Variants in GSE1 observed in about 807,000 individuals in gnomAD.
The protein encoded by GSE1 is genetic suppressor element 1.
Under a neutral mutation model 112.6 loss-of-function variants are expected in GSE1, and 32 were observed. That is an observed-to-expected ratio of 0.28 (90% confidence interval 0.21 to 0.38). The LOEUF (loss-of-function observed/expected upper bound fraction) is 0.38. GSE1 is among the 10% of genes least tolerant of loss of function. The pLI is 1.00. For missense variants in GSE1, 2,348 were observed against 1,699.2 expected (o/e 1.38, Z -6.71); for synonymous variants, 1,115 against 735.6 (o/e 1.52, Z -8.35).
upstream of GSE1, chr16:85,554,863 C>T: frequency 1.0e-6 from 1 of 985,040 alleles, no homozygotes; most frequent in Non-Finnish European, 1.2e-6. Context: ...CAGCGGCGCC[C>T]GCAGCCGCCC....
At chr16:85,320,462 T>C (rs2046081758) in intron 1 of GSE1, among the ~76,000 whole-genome samples, 1 of 151,830 alleles carries the variant, frequency 6.6e-6, no homozygotes, top group Non-Finnish European at 1.5e-5. Flanking sequence ...TGTTTTGTTT[T>C]GTTTTGTTTT....
chr16:85,571,344 A>G (rs74031845), intron 1 of GSE1, among the ~76,000 whole-genome samples: 2 of 152,238 alleles, frequency 1.3e-5, no homozygotes, highest in Non-Finnish European at 2.9e-5. Context: ...AACTGAACTG[A>G]TCAAAATTAA....
At chr16:85,459,262 A>C (rs1026425140) in intron 2 of GSE1, among the ~76,000 whole-genome samples, 1 of 152,166 alleles carries the variant, frequency 6.6e-6, no homozygotes, top group African/African-American at 2.4e-5. Flanking sequence ...TGCAGGCAGG[A>C]GTTGTGGGTG....
rs544479888 is a variant in GSE1 at position 85,424,685 on chromosome 16, C to T, written c.2464+67042C>T. On this transcript the variant is annotated intron_variant, in intron 2 of 2. Coordinates refer to the GSE1 transcript ENST00000637419. Reference sequence around the variant, plus strand: ...GGGAACACCTGCTCCCGCCGTCCCTCGGAATCGCTAATGTTCCTGCGCCCA... The same window carrying T: ...GGGAACACCTGCTCCCGCCGTCCCTTGGAATCGCTAATGTTCCTGCGCCCA... Among the ~76,000 whole-genome samples, 35 of 152,352 alleles carry T rather than the reference C, an allele frequency of 2.3e-4. No individual in the cohort carries two copies. In the South Asian group the frequency reaches 4.1e-3, roughly 18 times the overall value.
intron 1 of GSE1, among the ~76,000 whole-genome samples, chr16:85,344,664 C>A (rs2046696671): frequency 6.6e-6 from 1 of 152,206 alleles, no homozygotes; most frequent in African/African-American, 2.4e-5. Flanking sequence ...GTCACTGTTT[C>A]CATTTCACAG....
chr16:85,362,104 G>A (rs1220334256), intron 2 of GSE1, among the ~76,000 whole-genome samples: 2 of 152,214 alleles, frequency 1.3e-5, no homozygotes, highest in Non-Finnish European at 2.9e-5. Flanking sequence ...TGAAGGCCAT[G>A]AGGAACCCTG....
intron 2 of GSE1, among the ~76,000 whole-genome samples, chr16:85,407,899 C>T (rs1431969256): frequency 2.6e-5 from 1 of 39,128 alleles, no homozygotes; most frequent in Admixed American, 2.0e-4. Flanking sequence ...ACACTCAGGG[C>T]CCCCCTGGAT....
At chr16:85,290,316 C>G (rs1015047141) in intron 1 of GSE1, among the ~76,000 whole-genome samples, 15 of 152,216 alleles carry the variant, frequency 9.9e-5, no homozygotes, top group Non-Finnish European at 5.9e-5. Context: ...CCACGTCACC[C>G]CCAGGCCCCC....
intron 1 of GSE1, among the ~76,000 whole-genome samples, chr16:85,334,519 C>T (rs2046442564): frequency 6.6e-6 from 1 of 152,232 alleles, no homozygotes; most frequent in Non-Finnish European, 1.5e-5. Context: ...TCCCCAGGTT[C>T]TGCTCATCCT....
At chr16:85,206,874 C>T (rs996710561) in intron 1 of GSE1, among the ~76,000 whole-genome samples, 2 of 151,948 alleles carry the variant, frequency 1.3e-5, no homozygotes, top group African/African-American at 4.8e-5. Flanking sequence ...CCCTCCTGCC[C>T]TTTCTTTATG....
chr16:85,345,816 T>G (rs548941956), intron 1 of GSE1, among the ~76,000 whole-genome samples: 11 of 152,344 alleles, frequency 7.2e-5, no homozygotes, highest in African/African-American at 2.4e-4. Flanking sequence ...TAGCACATAG[T>G]TGGTACTCAG....
rs2053056204 is a variant in GSE1 at position 85,668,388 on chromosome 16, G to A, written c.3379G>A (p.Glu1127Lys). The A allele has an allele frequency of 2.5e-6, 4 of 1,612,038 alleles. No individual in the cohort carries two copies. Among genetic ancestry groups the A allele is most frequent in the Non-Finnish European group, 3.4e-6 (4 of 1,179,750 alleles). Residue 1127 changes from glutamate to lysine, a missense_variant, in exon 14 of 16, where the codon GAG (glutamate) becomes AAG (lysine). Glu to Lys is a moderately conservative substitution (Grantham distance 56). Coordinates refer to ENST00000253458, the MANE Select transcript of GSE1 (RefSeq NM_014615.5). ...CCCCAAGCGCAAGTGGCAAGGGATC[G>A]AGGCCGTTTTTGAAGCTTACCAGGA... is the stretch of plus-strand genomic sequence containing the variant. ...EVPKRKWQGIEAVFEAYQEHI... is the reference protein window; with the variant it reads ...EVPKRKWQGIKAVFEAYQEHI...
chr16:85,275,802 C>A (rs1477569838), intron 1 of GSE1, among the ~76,000 whole-genome samples: 3 of 152,228 alleles, frequency 2.0e-5, no homozygotes, highest in Non-Finnish European at 4.4e-5. Context: ...GCAGATGGCG[C>A]CCTCGGCCTG....
intron 2 of GSE1, among the ~76,000 whole-genome samples, chr16:85,646,896 G>GGA (rs1555560087): frequency 6.6e-6 from 1 of 151,986 alleles, no homozygotes; most frequent in Non-Finnish European, 1.5e-5. Context: ...ACAACAAGGG[G>GGA]GGGGGTGGGG....
chr16:85,336,689 C>T (rs937378253), intron 1 of GSE1, among the ~76,000 whole-genome samples: 2 of 152,046 alleles, frequency 1.3e-5, no homozygotes, highest in Non-Finnish European at 2.9e-5. Flanking sequence ...GCACCCTCCG[C>T]CTCCTCAGTA....
chr16:85,199,642 G>A (rs1311869307), intron 1 of GSE1, among the ~76,000 whole-genome samples: 2 of 152,176 alleles, frequency 1.3e-5, no homozygotes, highest in East Asian at 3.8e-4. Flanking sequence ...GCTGCGGGCC[G>A]GAACACCGAG....
intron 3 of GSE1, among the ~76,000 whole-genome samples, chr16:85,651,308 C>G (rs969247158): frequency 5.3e-5 from 8 of 151,896 alleles, no homozygotes; most frequent in African/African-American, 1.9e-4. Context: ...GACCTAGTTC[C>G]CAGGTGTCTG....
At chr16:85,382,444 A>C (rs186840439) in intron 2 of GSE1, among the ~76,000 whole-genome samples, 7 of 152,174 alleles carry the variant, frequency 4.6e-5, no homozygotes, top group Non-Finnish European at 8.8e-5. Context: ...TGCCCCTGCA[A>C]TGTGCAGAAT....
chr16:85,557,969 T>C lies in GSE1; in HGVS notation c.37+1606T>C, dbSNP rs867192600. Among the ~76,000 whole-genome samples, 10 of 152,280 alleles carry C rather than the reference T, an allele frequency of 6.6e-5. 1 individual carries two copies. The Middle Eastern group carries it at 0.02, about 311-fold the overall frequency. On this transcript the variant is annotated intron_variant, in intron 1 of 2. Coordinates refer to the GSE1 transcript ENST00000635906. ...TTTCCATTCCATTCTTGATCTTTTT[T>C]TTTTCTCCTCCTCTGCCTGAAATGC... is the stretch of plus-strand genomic sequence containing the variant.
Sources: gnomAD v4.1 joint callset for allele counts (sites outside exome capture counted in the v4.1 genomes callset) on GRCh38, gnomAD v4.1.1 for gene constraint, MANE v1.5 for transcripts, NCBI Gene and HGNC (gene_info 2026-07-23, HGNC 2026-07-21) for gene names.